The following SLIT1 variants were observed in gnomAD, a reference collection of about 807,000 sequenced individuals.
SLIT1 encodes slit homolog 1 protein.
SLIT1 carries 66 observed loss-of-function variants against 186.1 expected under a neutral mutation model. The ratio of observed to expected loss-of-function variants is 0.35; its 90% CI spans 0.29 to 0.44. The LOEUF is 0.44. Ranked by LOEUF, SLIT1 falls within the 20% of genes least tolerant of loss-of-function variation. SLIT1 has a pLI of 1.00. For synonymous variants in SLIT1, 761 were observed against 833.8 expected (o/e 0.91, Z 1.50); for missense variants, 1,638 against 2,037.4 (o/e 0.80, Z 3.77).
chr10:97,070,970 G>A (rs1432407183), intron 4 of SLIT1, among the ~76,000 whole-genome samples: 1 of 152,104 alleles, frequency 6.6e-6, no homozygotes, highest in Non-Finnish European at 1.5e-5. Context: ...CAGATGCGCT[G>A]GGACTACAGA....
In SLIT1 at chr10:97,163,680, C is replaced by G. The variant is rs559859610; in HGVS notation, c.270-229G>C. 2.0e-5 allele frequency among the ~76,000 whole-genome samples: 3 copies of G among 152,378 alleles called. No individual in the cohort carries two copies. The East Asian group carries it at 5.8e-4, about 29-fold the overall frequency. On this transcript the variant is annotated intron_variant, in intron 2 of 36. Coordinates refer to ENST00000266058, the MANE Select transcript of SLIT1 (RefSeq NM_003061.3). ...ATGGGCTCCTCAGGGCTCCCAGCATCTTACCTCACCACAAAATGCACTTGC... is the reference window on the plus strand; with the variant it reads ...ATGGGCTCCTCAGGGCTCCCAGCATGTTACCTCACCACAAAATGCACTTGC...
intron 4 of SLIT1, among the ~76,000 whole-genome samples, chr10:97,076,834 G>A (rs1043886363): frequency 6.6e-6 from 1 of 152,204 alleles, no homozygotes. Context: ...AGCTCAGGTA[G>A]GGGCCAGGGC....
intron 1 of SLIT1, among the ~76,000 whole-genome samples, chr10:97,173,758 C>T (rs1414209046): frequency 6.6e-6 from 1 of 152,150 alleles, no homozygotes; most frequent in East Asian, 1.9e-4. Context: ...AGCTGCAAGA[C>T]TTGGCAGGTA....
chr10:97,034,969 ACAAAGACC>A (rs1388788126), intron 22 of SLIT1, among the ~76,000 whole-genome samples: 1 of 152,130 alleles, frequency 6.6e-6, no homozygotes, highest in African/African-American at 2.4e-5. Context: ...GCCCCATTTG[ACAAAGACC>A]CAGAGTCTCA....
At chr10:97,107,872 G>A (rs1331089004) in intron 4 of SLIT1, among the ~76,000 whole-genome samples, 3 of 152,122 alleles carry the variant, frequency 2.0e-5, no homozygotes, top group Non-Finnish European at 4.4e-5. Flanking sequence ...AACCACACTC[G>A]AGGCCCATGT....
intron 4 of SLIT1, 131 bp downstream of exon 4, chr10:97,157,687 T>C: frequency 1.4e-6 from 1 of 725,930 alleles, no homozygotes; most frequent in Non-Finnish European, 2.4e-6. Flanking sequence ...CCCTGGACCA[T>C]TCCTGCCAGG....
At chr10:97,009,915 A>T (rs1306511068) in intron 31 of SLIT1, among the ~76,000 whole-genome samples, 4 of 152,254 alleles carry the variant, frequency 2.6e-5, no homozygotes, top group Admixed American at 2.0e-4. Flanking sequence ...GGAAATGCAA[A>T]TCAAAACCAC....
At chr10:97,077,370 A>G (rs999190450) in intron 4 of SLIT1, among the ~76,000 whole-genome samples, 9 of 151,942 alleles carry the variant, frequency 5.9e-5, no homozygotes, top group African/African-American at 2.2e-4. Flanking sequence ...CCCCTTCCTA[A>G]TCCTGGGTGC....
intron 4 of SLIT1, among the ~76,000 whole-genome samples, chr10:97,152,135 A>G (rs1179217149): frequency 6.6e-6 from 1 of 152,160 alleles, no homozygotes; most frequent in Non-Finnish European, 1.5e-5. Flanking sequence ...CAGAAAGCAT[A>G]TCTCCCACAT....
At chr10:97,056,815 G>A (rs1848841198) in intron 12 of SLIT1, among the ~76,000 whole-genome samples, 1 of 152,214 alleles carries the variant, frequency 6.6e-6, no homozygotes, top group Non-Finnish European at 1.5e-5. Flanking sequence ...AGGCAGCTGA[G>A]TTGGAGCATT....
chr10:97,117,117 G>GA (rs1374007957), intron 4 of SLIT1, among the ~76,000 whole-genome samples: 3 of 151,530 alleles, frequency 2.0e-5, no homozygotes, highest in Non-Finnish European at 4.4e-5. Context: ...AATGAAATCA[G>GA]AAAAAAAAGC....
Position 97,056,235 on chromosome 10 carries a change from C to T in SLIT1, c.1301+86G>A, listed in dbSNP as rs190394916. ...CCCAGTGAGCACAGCAGCCCAGAGC[C>T]GGAGAGCTGCCTGTCCCTGGAGGCT... On this transcript the variant is annotated intron_variant, in intron 13 of 36. Coordinates refer to ENST00000266058, the MANE Select transcript of SLIT1 (RefSeq NM_003061.3). 1.9e-4 allele frequency: 277 copies of T among 1,476,300 alleles called. No homozygotes were observed. In the Admixed American group the frequency reaches 2.5e-3, roughly 13 times the overall value. The allele number at this position is 1,476,300 out of a possible 1,614,324, so 91.5% of individuals were successfully genotyped here. A position where few individuals can be genotyped will look rare whatever the true frequency, so the allele number is the denominator to read the frequency against.
At chr10:97,111,564 C>T (rs920115174) in intron 4 of SLIT1, among the ~76,000 whole-genome samples, 1 of 152,200 alleles carries the variant, frequency 6.6e-6, no homozygotes, top group Non-Finnish European at 1.5e-5. Context: ...TTCCATGATG[C>T]CAAGCAGCCT....
intron 4 of SLIT1, among the ~76,000 whole-genome samples, chr10:97,140,410 G>A (rs2817651): frequency 0.59 from 89,678 of 151,740 alleles, 28,470 homozygotes; most frequent in East Asian, 0.9. Context: ...CCCTCCCACC[G>A]CCCTCCTTGG....
At chr10:97,040,853 G>C (rs1848684455) in intron 20 of SLIT1, among the ~76,000 whole-genome samples, 1 of 152,158 alleles carries the variant, frequency 6.6e-6, no homozygotes, top group Non-Finnish European at 1.5e-5. Flanking sequence ...ACCACGGTCG[G>C]AGTTCTTGAG....
intron 14 of SLIT1, 128 bp downstream of exon 14, chr10:97,048,827 G>T (rs1429996142): frequency 4.6e-6 from 4 of 860,240 alleles, no homozygotes; most frequent in Non-Finnish European, 7.5e-6. Context: ...GGACAGGTAG[G>T]CAGGCAGGCA....
chr10:97,179,609 T>TCTATGGACATCCTAGCCTC (rs1386358818), intron 1 of SLIT1, among the ~76,000 whole-genome samples: 1 of 152,218 alleles, frequency 6.6e-6, no homozygotes, highest in Non-Finnish European at 1.5e-5. Context: ...ACTGTGCTCC[T>TCTATGGACATCCTAGCCTC]CGTCTCTATG....
chr10:97,167,804 TC>T (rs1219441734), intron 1 of SLIT1, among the ~76,000 whole-genome samples: 2 of 152,222 alleles, frequency 1.3e-5, no homozygotes, highest in East Asian at 3.8e-4. Flanking sequence ...TGAATAAGTC[TC>T]ATGAGATCTG....
intron 7 of SLIT1, 132 bp from the exon 8 acceptor site, chr10:97,063,750 G>C (rs1848916692): frequency 1.0e-6 from 1 of 995,640 alleles, no homozygotes. Context: ...ATTTAGTCAA[G>C]TAGACGGCTC....
Sources: allele counts gnomAD v4.1 joint callset (sites outside exome capture counted in the v4.1 genomes callset), GRCh38; gene constraint gnomAD v4.1.1; transcripts MANE v1.5; gene names NCBI Gene and HGNC (gene_info 2026-07-23, HGNC 2026-07-21).